The following LUZP2 variants were observed in gnomAD, a reference collection of about 807,000 sequenced individuals.
LUZP2 encodes the protein leucine zipper protein 2.
LUZP2 carries 52 observed loss-of-function variants against 51.6 expected under a neutral mutation model. That is an observed-to-expected ratio of 1.01 (90% CI 0.81 to 1.27). The LOEUF is 1.27. LUZP2 is among the 50% of genes most tolerant of loss of function. The pLI, the probability that LUZP2 is intolerant of heterozygous loss-of-function variation, is 0.00. For synonymous variants in LUZP2, 154 were observed against 137.3 expected, an observed-to-expected ratio of 1.12 and a Z score of -0.85; for missense variants, 436 against 395.4, an observed-to-expected ratio of 1.10 and a Z score of -0.87.
intron 5 of LUZP2, among the ~76,000 whole-genome samples, chr11:24,818,868 A>G (rs1850269100): frequency 6.6e-6 from 1 of 151,992 alleles, no homozygotes; most frequent in Non-Finnish European, 1.5e-5. Flanking sequence ...CATCTTATCC[A>G]ATTGTCTGTA....
At chr11:24,905,918 A>T in intron 5 of LUZP2, 73 bp from the exon 6 acceptor site, 2 of 1,067,790 alleles carry the variant, frequency 1.9e-6, no homozygotes, top group Non-Finnish European at 2.9e-6. Context: ...ATAAAGCAAT[A>T]ATGTTGACAT....
chr11:24,584,807 G>C (rs1853002969), intron 1 of LUZP2, among the ~76,000 whole-genome samples: 1 of 152,078 alleles, frequency 6.6e-6, no homozygotes, highest in Admixed American at 6.6e-5. Flanking sequence ...AACTATGATT[G>C]AGAAGACCAA....
intron 9 of LUZP2, among the ~76,000 whole-genome samples, chr11:25,009,163 AGGAG>A (rs1856916197): frequency 1.3e-5 from 2 of 152,274 alleles, no homozygotes; most frequent in South Asian, 4.1e-4. Context: ...AACAATTTTG[AGGAG>A]GGAGGAACAG....
intron 7 of LUZP2, among the ~76,000 whole-genome samples, chr11:24,955,087 A>G (rs896824704): frequency 1.3e-5 from 2 of 152,074 alleles, no homozygotes; most frequent in Non-Finnish European, 1.5e-5. Context: ...CTGGCAGCCT[A>G]GCAAAACACT....
chr11:24,698,233 G>A (rs1272913075), intron 1 of LUZP2, among the ~76,000 whole-genome samples: 4 of 152,132 alleles, frequency 2.6e-5, no homozygotes, highest in Non-Finnish European at 5.9e-5. Context: ...TTTTGTAACT[G>A]ATAAAACCAG....
intron 5 of LUZP2, among the ~76,000 whole-genome samples, chr11:24,902,068 C>A (rs1400425683): frequency 6.6e-6 from 1 of 151,990 alleles, no homozygotes; most frequent in Non-Finnish European, 1.5e-5. Context: ...GTTATTTAGT[C>A]CAAAGGGTTT....
chr11:24,991,457 T>G (rs2133927038), intron 9 of LUZP2, among the ~76,000 whole-genome samples: 1 of 150,254 alleles, frequency 6.7e-6, no homozygotes, highest in Non-Finnish European at 1.5e-5. Flanking sequence ...ACAGTTTCTT[T>G]ATCCACTTGT....
chr11:24,554,118 G>A lies in LUZP2; in HGVS notation c.62+56813G>A, dbSNP rs145370783. Among the ~76,000 whole-genome samples, 282 of 152,210 alleles carry A rather than the reference G, an allele frequency of 1.9e-3. 1 individual carries two copies. Among genetic ancestry groups the A allele is most frequent in the South Asian group, 8.3e-3 (40 of 4,828 alleles). On this transcript the variant is annotated intron_variant, in intron 1 of 11. Coordinates refer to ENST00000336930, the MANE Select transcript of LUZP2 (RefSeq NM_001009909.4). ...GGCTGAGTTTTAGCTCCCATATCCC[G>A]TCTACGGTGCTAAGAGAGAAGATGT...
chr11:24,657,878 A>G (rs1324949019), intron 1 of LUZP2, among the ~76,000 whole-genome samples: 12 of 152,230 alleles, frequency 7.9e-5, no homozygotes, highest in Non-Finnish European at 1.5e-4. Flanking sequence ...GGATGTGAAG[A>G]ACCTCTTCAA....
intron 4 of LUZP2, among the ~76,000 whole-genome samples, chr11:24,751,244 A>G (rs1404847529): frequency 6.6e-6 from 1 of 152,306 alleles, no homozygotes; most frequent in Admixed American, 6.5e-5. Flanking sequence ...GCATGCGAAA[A>G]ACCCAACAAA....
At chr11:24,983,539 C>T (rs1230606711) in intron 9 of LUZP2, among the ~76,000 whole-genome samples, 1 of 151,612 alleles carries the variant, frequency 6.6e-6, no homozygotes, top group Non-Finnish European at 1.5e-5. Flanking sequence ...AATTGTTTAA[C>T]ACAAAACAAA....
chr11:24,851,752 T>C (rs1038276902), intron 5 of LUZP2, among the ~76,000 whole-genome samples: 1 of 152,108 alleles, frequency 6.6e-6, no homozygotes, highest in African/African-American at 2.4e-5. Flanking sequence ...CATCCTGGGC[T>C]TTTTTTGGTT....
chr11:24,902,027 C>G (rs553634403), intron 5 of LUZP2, among the ~76,000 whole-genome samples: 5 of 152,154 alleles, frequency 3.3e-5, no homozygotes, highest in Non-Finnish European at 5.9e-5. Context: ...ATATTTGCCG[C>G]TTTATTTGTC....
At position 24,692,091 on chromosome 11, in the gene LUZP2, G is replaced by GT. The variant is rs993622650; in HGVS notation, c.63-37068dup. 7.9e-3 allele frequency among the ~76,000 whole-genome samples: 1,168 copies of GT among 148,000 alleles called. 13 individuals are homozygous for GT. Among genetic ancestry groups the GT allele is most frequent in the African/African-American group, 0.025 (994 of 40,522 alleles). On this transcript the variant is annotated intron_variant, in intron 1 of 11. Transcript: ENST00000336930. ...TATTCATGCTTACATGGCATTTTAC[G>GT]TTTTTTTTTTCTATTCTTATTTCTT... is the stretch of plus-strand genomic sequence containing the variant.
At chr11:25,020,113 AT>A in intron 9 of LUZP2, among the ~76,000 whole-genome samples, 1 of 152,228 alleles carries the variant, frequency 6.6e-6, no homozygotes, top group Admixed American at 6.6e-5. Context: ...AAAGTTTATC[AT>A]TTTAACATAT....
rs75219512 is a variant in LUZP2 at position 24,537,740 on chromosome 11, C to T, written c.62+40435C>T. Among the ~76,000 whole-genome samples, 89 of 151,796 alleles carry T rather than the reference C, an allele frequency of 5.9e-4. No homozygotes were observed. The East Asian group carries it at 0.015, about 26-fold the overall frequency. Reference sequence around the variant, plus strand: ...GTGAAAAGCCTTTTACAATTTTTTACGGATACCTTTTGCATATATTATTAT... The same window carrying T: ...GTGAAAAGCCTTTTACAATTTTTTATGGATACCTTTTGCATATATTATTAT... On this transcript the variant is annotated intron_variant, in intron 1 of 11. Transcript: ENST00000336930.
chr11:24,723,632 G>T (rs185299929), intron 1 of LUZP2, among the ~76,000 whole-genome samples: 35 of 152,138 alleles, frequency 2.3e-4, no homozygotes, highest in African/African-American at 8.4e-4. Flanking sequence ...TCAAGACCCT[G>T]CTGGGAAACA....
intron 1 of LUZP2, among the ~76,000 whole-genome samples, chr11:24,724,142 T>C (rs896121435): frequency 2.0e-5 from 3 of 152,204 alleles, no homozygotes; most frequent in African/African-American, 7.2e-5. Context: ...AGTGTGTCCT[T>C]GGGATTTTTG....
chr11:24,590,389 A>G (rs1014812164), intron 1 of LUZP2, among the ~76,000 whole-genome samples: 2 of 152,138 alleles, frequency 1.3e-5, no homozygotes, highest in Non-Finnish European at 2.9e-5. Flanking sequence ...TTTATCTATT[A>G]CCTGATGCAT....
Sources: gnomAD v4.1 joint callset for allele counts (sites outside exome capture counted in the v4.1 genomes callset) on GRCh38, gnomAD v4.1.1 for gene constraint, MANE v1.5 for transcripts, NCBI Gene and HGNC (gene_info 2026-07-23, HGNC 2026-07-21) for gene names.